GUCY1B1: variants seen among roughly 807,000 people sequenced by gnomAD.
The protein encoded by GUCY1B1 is guanylate cyclase soluble subunit beta-1.
A neutral mutation model predicts 71.0 loss-of-function variants in GUCY1B1; 43 were observed. The ratio of observed to expected loss-of-function variants is 0.61; its 90% CI spans 0.47 to 0.78. The LOEUF (loss-of-function observed/expected upper bound fraction) is 0.78, where lower values mean the gene tolerates loss of function less well. Ranked by LOEUF, GUCY1B1 falls within the 30% of genes least tolerant of loss-of-function variation. The pLI is 0.00. For synonymous variants in GUCY1B1, 266 were observed against 259.7 expected, an observed-to-expected ratio of 1.02 and a Z score of -0.23; for missense variants, 535 against 754.1, an observed-to-expected ratio of 0.71 and a Z score of 3.40.
intron 2 of GUCY1B1, among the ~76,000 whole-genome samples, chr4:155,763,019 G>C (rs192269632): frequency 6.6e-6 from 1 of 152,030 alleles, no homozygotes; most frequent in African/African-American, 2.4e-5. Flanking sequence ...TGATTTCTAA[G>C]TAATGACAAA....
At chr4:155,804,470 A>G (rs781225993) in intron 11 of GUCY1B1, 123 bp from the exon 12 acceptor site, 159 of 704,152 alleles carry the variant, frequency 2.3e-4, no homozygotes, top group Non-Finnish European at 3.4e-4. Flanking sequence ...CATGGCACAT[A>G]TATACCTATG....
chr4:155,789,742 C>T lies in GUCY1B1; in HGVS notation c.326C>T (p.Ala109Val), dbSNP rs768831738. 1 of 1,607,390 alleles carries T rather than the reference C, an allele frequency of 6.2e-7. No individual in the cohort carries two copies. Among genetic ancestry groups the T allele is most frequent in the Non-Finnish European group, 8.5e-7 (1 of 1,175,426 alleles). ...QNLDALHDHL[A>V]TIYPGMRAPS... The stretch of plus-strand genomic sequence containing the variant: ...CTTGATGCTCTGCACGACCACCTTG[C>T]TACCATCTACCCAGGAATGCGTGCA... Residue 109 changes from alanine to valine, a missense_variant, in exon 5 of 14, where the codon GCT (alanine) becomes GTT (valine). Coordinates refer to ENST00000264424, the MANE Select transcript of GUCY1B1 (RefSeq NM_000857.5).
At chr4:155,796,864 TAATA>T (rs1408769274) in intron 8 of GUCY1B1, among the ~76,000 whole-genome samples, 1 of 152,204 alleles carries the variant, frequency 6.6e-6, no homozygotes, top group African/African-American at 2.4e-5. Flanking sequence ...TAGGATGGCA[TAATA>T]AATACATTGG....
chr4:155,798,942 A>G (rs1739755053), intron 8 of GUCY1B1, among the ~76,000 whole-genome samples: 1 of 152,112 alleles, frequency 6.6e-6, no homozygotes, highest in African/African-American at 2.4e-5. Context: ...GGTTCAAGCA[A>G]TTCTCCTGCC....
chr4:155,800,170 C>T lies in GUCY1B1; in HGVS notation c.1175+96C>T. On this transcript the variant is annotated intron_variant, in intron 9 of 13. Transcript: ENST00000264424. ...GAACCAGACTAAAAAGCCATGTGAC[C>T]TGTAATAGCTCTGGTGTAGTAAATA... 4 of 699,450 alleles carry T rather than the reference C, an allele frequency of 5.7e-6. No homozygotes were observed. In the South Asian group the frequency reaches 8.6e-5, roughly 15 times the overall value. 43.3% of individuals were successfully genotyped at this position (699,450 alleles called of 1,614,324 possible). A position where few individuals can be genotyped will look rare whatever the true frequency, so the allele number is the denominator to read the frequency against.
chr4:155,775,140 C>A, intron 3 of GUCY1B1, 72 bp downstream of exon 3: 3 of 825,564 alleles, frequency 3.6e-6, no homozygotes, highest in South Asian at 2.7e-5. Flanking sequence ...GGTTCAAGAT[C>A]ACAACGCAGG....
At chr4:155,771,158 G>C (rs748257881) in intron 2 of GUCY1B1, among the ~76,000 whole-genome samples, 1 of 152,164 alleles carries the variant, frequency 6.6e-6, no homozygotes, top group Non-Finnish European at 1.5e-5. Context: ...AGAGTCCTAA[G>C]TACTTTGAAT....
Position 155,772,895 on chromosome 4 carries a change from T to C in GUCY1B1, c.78-2073T>C, listed in dbSNP as rs999317588. 3 of 668,226 alleles carry C rather than the reference T, an allele frequency of 4.5e-6. No homozygotes were observed. The African/African-American group carries it at 5.4e-5, about 12-fold the overall frequency. 41.4% of individuals were successfully genotyped at this position (668,226 alleles called of 1,614,324 possible). A position where few individuals can be genotyped will look rare whatever the true frequency, so the allele number is the denominator to read the frequency against. On this transcript the variant is annotated intron_variant, in intron 2 of 13. Coordinates refer to ENST00000264424, the MANE Select transcript of GUCY1B1 (RefSeq NM_000857.5). ...TATAAGCTCTGAAGGACAGAGGATGTTTTTAAGACTATCTGCATACTAAGG... is the reference window on the plus strand; with the variant it reads ...TATAAGCTCTGAAGGACAGAGGATGCTTTTAAGACTATCTGCATACTAAGG...
At chr4:155,765,463 A>G (rs1737270928) in intron 2 of GUCY1B1, among the ~76,000 whole-genome samples, 1 of 152,100 alleles carries the variant, frequency 6.6e-6, no homozygotes, top group South Asian at 2.1e-4. Flanking sequence ...AAATGTCTTT[A>G]TTGTTTATGT....
In GUCY1B1 at chr4:155,799,932, C is replaced by T. The variant is rs1290082345; in HGVS notation, c.1033C>T (p.Leu345=). The T allele has an allele frequency of 6.2e-7, 1 of 1,613,456 alleles. No individual in the cohort carries two copies. ...RRGLYLSDIP[L]HDATRDLVLL... ...AGGGCTGTATCTAAGTGACATCCCTCTGCATGATGCCACGCGCGATCTTGT... is the reference window on the plus strand; with the variant it reads ...AGGGCTGTATCTAAGTGACATCCCTTTGCATGATGCCACGCGCGATCTTGT... Residue 345 remains leucine (L), a synonymous_variant, in exon 9 of 14, where the codon CTG becomes TTG. Transcript: ENST00000264424.
chr4:155,766,339 G>A (rs1737332546), intron 2 of GUCY1B1, among the ~76,000 whole-genome samples: 1 of 152,086 alleles, frequency 6.6e-6, no homozygotes, highest in Non-Finnish European at 1.5e-5. Flanking sequence ...TATTTAAGGT[G>A]CACAACTTCA....
At chr4:155,761,570 A>G (rs1473637023) in intron 2 of GUCY1B1, among the ~76,000 whole-genome samples, 2 of 152,252 alleles carry the variant, frequency 1.3e-5, no homozygotes, top group African/African-American at 2.4e-5. Context: ...GAGATGAAAA[A>G]TAATACTTTA....
At chr4:155,770,233 TAGCAGATAAAAAAAC>T (rs1428070356) in intron 2 of GUCY1B1, among the ~76,000 whole-genome samples, 1 of 152,134 alleles carries the variant, frequency 6.6e-6, no homozygotes, top group Non-Finnish European at 1.5e-5. Context: ...TGACTTCAGG[TAGCAGATAAAAAAAC>T]AGCCCTAAAG....
intron 4 of GUCY1B1, among the ~76,000 whole-genome samples, chr4:155,788,369 G>C (rs1359489454): frequency 6.6e-6 from 1 of 152,230 alleles, no homozygotes; most frequent in Non-Finnish European, 1.5e-5. Flanking sequence ...CTCAGAACCA[G>C]TCGCATGGTG....
chr4:155,805,082 T>C, intron 12 of GUCY1B1, 21 bp from the exon 13 acceptor site: 1 of 1,604,476 alleles, frequency 6.2e-7, no homozygotes, highest in Non-Finnish European at 8.5e-7. Flanking sequence ...CTCTCTCTAC[T>C]CCCCTTCCCT....
At chr4:155,771,879 T>A (rs115289963) in intron 2 of GUCY1B1, among the ~76,000 whole-genome samples, 1 of 152,174 alleles carries the variant, frequency 6.6e-6, no homozygotes, top group Non-Finnish European at 1.5e-5. Context: ...AAGATATCCA[T>A]CAAATATTCA....
At position 155,796,957 on chromosome 4, in the gene GUCY1B1, T is replaced by C. The variant is rs76737802; in HGVS notation, c.977+447T>C. On this transcript the variant is annotated intron_variant, in intron 8 of 13. Transcript: ENST00000264424. Reference sequence around the variant, plus strand: ...AAGGTCTCTTTCTGGGTTTGAACTATTTTAAATTAAAAATATTTACCTACT... The same window carrying C: ...AAGGTCTCTTTCTGGGTTTGAACTACTTTAAATTAAAAATATTTACCTACT... Among the ~76,000 whole-genome samples, 6 of 152,340 alleles carry C rather than the reference T, an allele frequency of 3.9e-5. No individual in the cohort carries two copies. The East Asian group carries it at 1.2e-3, about 29-fold the overall frequency.
intron 2 of GUCY1B1, among the ~76,000 whole-genome samples, chr4:155,769,727 G>A (rs1737571138): frequency 6.6e-6 from 1 of 151,942 alleles, no homozygotes; most frequent in African/African-American, 2.4e-5. Context: ...AAGAAGCATT[G>A]AAAAAAATGA....
intron 2 of GUCY1B1, among the ~76,000 whole-genome samples, chr4:155,760,765 A>T (rs1367836619): frequency 6.6e-6 from 1 of 152,236 alleles, no homozygotes; most frequent in Non-Finnish European, 1.5e-5. Flanking sequence ...TCAGACTATC[A>T]CATTGTAACA....
Sources: allele counts gnomAD v4.1 joint callset (sites outside exome capture counted in the v4.1 genomes callset), GRCh38; gene constraint gnomAD v4.1.1; transcripts MANE v1.5; gene names NCBI Gene and HGNC (gene_info 2026-07-23, HGNC 2026-07-21).